The following KATNAL2 variants were observed in gnomAD, a reference collection of about 807,000 sequenced individuals.
KATNAL2 encodes katanin p60 ATPase-containing subunit A-like 2.
A neutral mutation model predicts 76.3 loss-of-function variants in KATNAL2; 52 were observed. The observed-to-expected ratio is 0.68, with a 90% CI of 0.55 to 0.86. The LOEUF is 0.86. Ranked by LOEUF, KATNAL2 falls within the 40% of genes least tolerant of loss-of-function variation. The pLI is 0.00. For missense variants in KATNAL2, 660 were observed against 668.9 expected (o/e 0.99, Z 0.15); for synonymous variants, 243 against 244.2 (o/e 1.00, Z 0.05).
intron 15 of KATNAL2, among the ~76,000 whole-genome samples, chr18:47,097,210 C>A (rs1248400814): frequency 6.6e-6 from 1 of 150,592 alleles, no homozygotes; most frequent in African/African-American, 2.4e-5. Flanking sequence ...TTGATTCAGA[C>A]AAAGATCATT....
At chr18:47,072,983 G>A (rs1599761838) in intron 13 of KATNAL2, among the ~76,000 whole-genome samples, 2 of 151,972 alleles carry the variant, frequency 1.3e-5, no homozygotes, top group Non-Finnish European at 2.9e-5. Flanking sequence ...AGCTAGAGTG[G>A]GCAGTCTTAT....
At position 46,932,013 on chromosome 18, in the gene KATNAL2, T is replaced by C. The variant is rs540138841; in HGVS notation, c.-509-14044T>C. 3.3e-5 allele frequency among the ~76,000 whole-genome samples: 5 copies of C among 151,882 alleles called. No homozygotes were observed. In the South Asian group the frequency reaches 1.0e-3, roughly 32 times the overall value. ...GTAACCTCCGACTCCTGGGTTCAAG[T>C]GATTCTCCCACCTCAGCCTCCCAAG... is the stretch of plus-strand genomic sequence containing the variant. On this transcript the variant is annotated intron_variant, in intron 1 of 17. Coordinates refer to ENST00000683218, the MANE Select transcript of KATNAL2 (RefSeq NM_001387690.1).
intron 15 of KATNAL2, among the ~76,000 whole-genome samples, chr18:47,090,589 A>G (rs1306707104): frequency 1.2e-4 from 18 of 152,230 alleles, no homozygotes; most frequent in Admixed American, 1.2e-3. Flanking sequence ...TGATTGGTAC[A>G]GACAATAATA....
At chr18:47,063,133 T>C in intron 9 of KATNAL2, 63 bp downstream of exon 9, 1 of 1,516,346 alleles carries the variant, frequency 6.6e-7, no homozygotes, top group Non-Finnish European at 9.2e-7. Context: ...ACTCTGGAAA[T>C]ATAATTTTGA....
At chr18:46,954,685 C>T (rs2059672082) in intron 3 of KATNAL2, among the ~76,000 whole-genome samples, 1 of 151,564 alleles carries the variant, frequency 6.6e-6, no homozygotes, top group Non-Finnish European at 1.5e-5. Context: ...TGATTGTCAC[C>T]CAGGCTGGAG....
intron 1 of KATNAL2, among the ~76,000 whole-genome samples, chr18:46,930,540 G>A (rs981809539): frequency 2.0e-5 from 3 of 152,198 alleles, no homozygotes; most frequent in African/African-American, 4.8e-5. Context: ...AGCAGGCCGG[G>A]TGCGACGGCT....
rs570372191 is a variant in KATNAL2, at chr18:46,934,582, C to T, written c.-509-11475C>T. ...CAGATGAGTAGGTTGCAAAAATTTT[C>T]TCCCATTCTGTAGGTTGCCTGTTCA... On this transcript the variant is annotated intron_variant, in intron 1 of 17. Transcript: ENST00000683218. Among the ~76,000 whole-genome samples, 4 of 152,228 alleles carry T rather than the reference C, an allele frequency of 2.6e-5. No homozygotes were observed. The South Asian group carries it at 8.3e-4, about 32-fold the overall frequency.
intron 16 of KATNAL2, among the ~76,000 whole-genome samples, 156 bp downstream of exon 16, chr18:47,099,561 G>A (rs1272832413): frequency 6.6e-6 from 1 of 152,198 alleles, no homozygotes; most frequent in Non-Finnish European, 1.5e-5. Context: ...CGAAGAATAA[G>A]CTCCTTTTCA....
chr18:47,053,729 A>G (rs1363110925), intron 5 of KATNAL2, among the ~76,000 whole-genome samples: 1 of 152,232 alleles, frequency 6.6e-6, no homozygotes, highest in Admixed American at 6.5e-5. Flanking sequence ...CAAGAGGAAC[A>G]TCAATTTAAA....
At chr18:47,048,286 C>T (rs1194724378) in intron 4 of KATNAL2, among the ~76,000 whole-genome samples, 1 of 152,184 alleles carries the variant, frequency 6.6e-6, no homozygotes, top group Non-Finnish European at 1.5e-5. Context: ...AATAAGGGAG[C>T]TACTGGAACT....
chr18:47,094,425 G>T (rs1194175126), intron 15 of KATNAL2, among the ~76,000 whole-genome samples: 3 of 152,174 alleles, frequency 2.0e-5, no homozygotes, highest in African/African-American at 7.2e-5. Flanking sequence ...TCATTTCCCT[G>T]AAGAATTCTG....
rs60759719 is a variant in KATNAL2, at chr18:47,093,492, TTGTG to T, written c.1212-5737_1212-5734del. Among the ~76,000 whole-genome samples, 16 of 150,282 alleles carry T rather than the reference TTGTG, an allele frequency of 1.1e-4. No individual in the cohort carries two copies. In the East Asian group the frequency reaches 1.4e-3, roughly 13 times the overall value. On this transcript the variant is annotated intron_variant, in intron 15 of 17. Transcript: ENST00000683218. ...AAACCATTTCTTTCTCATTTCGAAT[TTGTG>T]TGTGTGTGTGTGTATTTATGTGCAT...
chr18:47,051,432 GA>G (rs147656971), intron 4 of KATNAL2, among the ~76,000 whole-genome samples: 59,011 of 136,270 alleles, frequency 0.43, 11,680 homozygotes, highest in Admixed American at 0.54. Flanking sequence ...TCTCTAAAAA[GA>G]AAAAAAAAAA....
chr18:47,059,863 T>C (rs1015678057), intron 8 of KATNAL2, among the ~76,000 whole-genome samples: 7 of 152,184 alleles, frequency 4.6e-5, no homozygotes, highest in African/African-American at 1.4e-4. Flanking sequence ...AACTGCCCCA[T>C]CTCTAAGGAA....
At chr18:47,044,090 G>A (rs1409775613) in intron 3 of KATNAL2, among the ~76,000 whole-genome samples, 1 of 152,070 alleles carries the variant, frequency 6.6e-6, no homozygotes, top group African/African-American at 2.4e-5. Context: ...AATAATTAAG[G>A]TTGTTTCCTC....
chr18:46,923,978 C>G (rs1245241402), intron 1 of KATNAL2, among the ~76,000 whole-genome samples: 1 of 152,034 alleles, frequency 6.6e-6, no homozygotes, highest in Non-Finnish European at 1.5e-5. Flanking sequence ...GATATTAGCC[C>G]TTTGTTGGAT....
intron 11 of KATNAL2, 107 bp downstream of exon 11, chr18:47,067,226 C>T (rs1297260166): frequency 3.1e-5 from 15 of 476,404 alleles, no homozygotes; most frequent in Middle Eastern, 3.0e-4. Flanking sequence ...TTTCTGTCCA[C>T]ACGTTAACTC....
At chr18:46,925,907 A>G (rs1223963236) in intron 1 of KATNAL2, among the ~76,000 whole-genome samples, 1 of 152,040 alleles carries the variant, frequency 6.6e-6, no homozygotes, top group Non-Finnish European at 1.5e-5. Context: ...GGTAGTTTGT[A>G]TTTCTGTGGG....
At chr18:47,056,577 G>T (rs990087958) in intron 6 of KATNAL2, among the ~76,000 whole-genome samples, 1 of 152,188 alleles carries the variant, frequency 6.6e-6, no homozygotes, top group Admixed American at 6.5e-5. Context: ...TAGGACTAAT[G>T]GTTAAAGTCA....
Sources: gnomAD v4.1 joint callset for allele counts (sites outside exome capture counted in the v4.1 genomes callset) on GRCh38, gnomAD v4.1.1 for gene constraint, MANE v1.5 for transcripts, NCBI Gene and HGNC (gene_info 2026-07-23, HGNC 2026-07-21) for gene names.